Variants in SLC9A7 observed in about 807,000 individuals in gnomAD.
SLC9A7 encodes solute carrier family 9 member A7, also known as sodium/hydrogen exchanger 7.
In SLC9A7, 19 loss-of-function variants were observed where a neutral mutation model predicts 52.6. The observed-to-expected ratio is 0.36, with a 90% CI of 0.25 to 0.53. The LOEUF (loss-of-function observed/expected upper bound fraction) is 0.53. Ranked by LOEUF, SLC9A7 falls within the 20% of genes least tolerant of loss-of-function variation. SLC9A7 has a pLI of 0.91. For missense variants in SLC9A7, 455 were observed against 597.9 expected (o/e 0.76, Z 2.49); for synonymous variants, 226 against 252.1 (o/e 0.90, Z 0.98).
In SLC9A7 at chrX:46,609,406, T is replaced by TA. The variant is rs1251997963; in HGVS notation, c.1930-2204dup. Among the ~76,000 whole-genome samples, 24 of 112,240 alleles carry TA rather than the reference T, an allele frequency of 2.1e-4. No homozygotes were observed. In the Admixed American group the frequency reaches 2.2e-3, roughly 11 times the overall value. On this transcript the variant is annotated intron_variant, in intron 16 of 16. Transcript: ENST00000616978. ...AGGTCATTCAGAAACAAGGCCATAG[T>TA]AAAACCCACGGAGGCTGGGTGCGGT...
chrX:46,696,444 C>G (rs1352647210), intron 1 of SLC9A7, among the ~76,000 whole-genome samples: 1 of 111,726 alleles, frequency 9.0e-6, no homozygotes, highest in Non-Finnish European at 1.9e-5. Context: ...CAACCAGGTG[C>G]TTAGGAGCAA....
At chrX:46,702,631 CGTGTA>C (rs1944548618) in intron 1 of SLC9A7, among the ~76,000 whole-genome samples, 1 of 111,803 alleles carries the variant, frequency 8.9e-6, no homozygotes, top group South Asian at 3.7e-4. Context: ...TTTTTATGGC[CGTGTA>C]GTATTCCCTG....
chrX:46,731,432 T>TATATAAAAAATAAAAAA (rs748259550), intron 1 of SLC9A7, among the ~76,000 whole-genome samples: 1 of 78,248 alleles, frequency 1.3e-5, no homozygotes, highest in Non-Finnish European at 2.6e-5. Context: ...TATAAAAAAT[T>TATATAAAAAATAAAAAA]AAAAAAAATT....
At chrX:46,707,705 GGA>G (rs1944625662) in intron 1 of SLC9A7, among the ~76,000 whole-genome samples, 1 of 112,195 alleles carries the variant, frequency 8.9e-6, no homozygotes, top group African/African-American at 3.2e-5. Context: ...CATAAAAAGA[GGA>G]GAGATTGAGC....
rs1944392207 is a variant in SLC9A7, at chrX:46,692,370, C to T, written c.326-9835G>A. On this transcript the variant is annotated intron_variant, in intron 1 of 16. Coordinates refer to ENST00000616978, the MANE Select transcript of SLC9A7 (RefSeq NM_001257291.2). ...TGAACCATCCGAATGAGATATGAAGCCCACCACAAACAGAACCACAGGTCC... is the reference window on the plus strand; with the variant it reads ...TGAACCATCCGAATGAGATATGAAGTCCACCACAAACAGAACCACAGGTCC... Among the ~76,000 whole-genome samples the T allele has an allele frequency of 3.6e-5, 4 of 110,955 alleles. No individual in the cohort carries two copies. The South Asian group carries it at 1.2e-3, about 32-fold the overall frequency.
In SLC9A7 at chrX:46,648,698, T is replaced by C. The variant is rs774156914; in HGVS notation, c.1450A>G (p.Met484Val). The C allele has an allele frequency of 1.7e-6, 2 of 1,204,002 alleles. No individual in the cohort carries two copies. Among genetic ancestry groups the C allele is most frequent in the Non-Finnish European group, 1.1e-6 (1 of 888,582 alleles). Residue 484 changes from methionine to valine, a missense_variant, in exon 11 of 17, where the codon ATG becomes GTG. Around this residue, in one of 3 missense-constraint regions of SLC9A7, gnomAD observed 304 missense variants for 417.8 expected, o/e 0.73. Coordinates refer to ENST00000616978, the MANE Select transcript of SLC9A7 (RefSeq NM_001257291.2). ...HKIGWNFQHMMMFSGLRGAMA... is the reference protein window; with the variant it reads ...HKIGWNFQHMVMFSGLRGAMA... ...TACGCCTTTTTACCTGAAAACATCA[T>C]CATGTGTTGAAAATTCCAGCCAATC...
At chrX:46,713,999 A>C (rs1944730825) in intron 1 of SLC9A7, among the ~76,000 whole-genome samples, 1 of 110,279 alleles carries the variant, frequency 9.1e-6, no homozygotes, top group African/African-American at 3.3e-5. Context: ...TACTATACTC[A>C]ATGTTTTCTG....
intron 4 of SLC9A7, among the ~76,000 whole-genome samples, chrX:46,671,483 A>G (rs1297318196): frequency 2.8e-5 from 3 of 107,229 alleles, no homozygotes; most frequent in Non-Finnish European, 5.8e-5. Flanking sequence ...GTTAGCCAGG[A>G]TGGTCTCGAT....
intron 3 of SLC9A7, among the ~76,000 whole-genome samples, chrX:46,672,854 A>G (rs1377050380): frequency 8.9e-6 from 1 of 112,408 alleles, no homozygotes; most frequent in Non-Finnish European, 1.9e-5. Flanking sequence ...GGACTTAGTA[A>G]ATTTTCAGAC....
chrX:46,639,171 A>T (rs932986792), intron 12 of SLC9A7, among the ~76,000 whole-genome samples: 2 of 112,017 alleles, frequency 1.8e-5, no homozygotes, highest in Non-Finnish European at 3.8e-5. Flanking sequence ...TCATGAAAAA[A>T]ACTCTCAGAA....
intron 1 of SLC9A7, among the ~76,000 whole-genome samples, chrX:46,730,709 T>TATATATAA: frequency 1.4e-5 from 1 of 72,532 alleles, no homozygotes; most frequent in African/African-American, 4.8e-5. Context: ...TATATATATA[T>TATATATAA]AAAATGGATG....
intron 8 of SLC9A7, among the ~76,000 whole-genome samples, chrX:46,652,944 T>G (rs1022185588): frequency 3.6e-5 from 4 of 112,294 alleles, no homozygotes; most frequent in Non-Finnish European, 7.5e-5. Context: ...ACACATATTT[T>G]GCTTGTTATT....
chrX:46,618,623 A>G (rs1942991088), intron 15 of SLC9A7, among the ~76,000 whole-genome samples: 1 of 112,421 alleles, frequency 8.9e-6, no homozygotes, highest in South Asian at 3.7e-4. Context: ...CATTGGATTA[A>G]GACCTTTTGT....
intron 1 of SLC9A7, among the ~76,000 whole-genome samples, chrX:46,688,593 G>A (rs932176076): frequency 3.6e-5 from 3 of 83,919 alleles, no homozygotes; most frequent in Non-Finnish European, 4.5e-5. Context: ...GCGAAACTCC[G>A]CCTCAAAAAA....
chrX:46,604,472 G>A lies in SLC9A7; in HGVS notation c.*2480C>T, dbSNP rs1275212322. ...TTTTGAGGCAGGGTCTCATTCTGTTGCCCAGACTGGATTGCAGTGGCATGA... is the reference window on the plus strand; with the variant it reads ...TTTTGAGGCAGGGTCTCATTCTGTTACCCAGACTGGATTGCAGTGGCATGA... On this transcript the variant is annotated 3_prime_UTR_variant, in exon 17 of 17. Coordinates refer to ENST00000616978, the MANE Select transcript of SLC9A7 (RefSeq NM_001257291.2). 2.0e-5 allele frequency: 2 copies of A among 99,338 alleles called. No individual in the cohort carries two copies. Among genetic ancestry groups the A allele is most frequent in the African/African-American group, 7.6e-5 (2 of 26,436 alleles). 8.2% of individuals were successfully genotyped at this position (99,338 alleles called of 1,213,427 possible). A position where few individuals can be genotyped will look rare whatever the true frequency, so the allele number is the denominator to read the frequency against.
At chrX:46,693,397 G>A (rs1477251298) in intron 1 of SLC9A7, among the ~76,000 whole-genome samples, 3 of 111,414 alleles carry the variant, frequency 2.7e-5, no homozygotes, top group South Asian at 3.7e-4. Context: ...TAGCTCAATG[G>A]AGCAAAACTG....
At chrX:46,681,143 T>C (rs771198213) in intron 2 of SLC9A7, among the ~76,000 whole-genome samples, 3 of 112,578 alleles carry the variant, frequency 2.7e-5, no homozygotes, top group Admixed American at 1.9e-4. Context: ...CACCTTTGCT[T>C]TGTGCAGCAA....
chrX:46,728,403 T>C (rs898394191), intron 1 of SLC9A7, among the ~76,000 whole-genome samples: 1 of 112,274 alleles, frequency 8.9e-6, no homozygotes, highest in Non-Finnish European at 1.9e-5. Flanking sequence ...AGAAAAGATG[T>C]TCAACATTAT....
At chrX:46,699,131 C>T (rs1413742744) in intron 1 of SLC9A7, among the ~76,000 whole-genome samples, 1 of 112,040 alleles carries the variant, frequency 8.9e-6, no homozygotes, top group Non-Finnish European at 1.9e-5. Flanking sequence ...CAAGATGGAA[C>T]AAGTTCATGT....
Sources: allele counts gnomAD v4.1 joint callset (sites outside exome capture counted in the v4.1 genomes callset), GRCh38; gene constraint gnomAD v4.1.1; regional missense constraint gnomAD v4.1.1; transcripts MANE v1.5; gene names NCBI Gene and HGNC (gene_info 2026-07-23, HGNC 2026-07-21).